The following RBFOX1 variants were observed in gnomAD, a reference collection of about 807,000 sequenced individuals.
RBFOX1 encodes RNA binding protein fox-1 homolog 1.
In RBFOX1, 8 loss-of-function variants were observed where a neutral mutation model predicts 57.7. The ratio of observed to expected loss-of-function variants is 0.14; its 90% CI spans 0.08 to 0.25. RBFOX1 has a LOEUF of 0.25. Ranked by LOEUF, RBFOX1 falls within the 10% of genes least tolerant of loss-of-function variation. The pLI, the probability that RBFOX1 is intolerant of heterozygous loss-of-function variation, is 1.00. For missense variants in RBFOX1, 611 were observed against 548.5 expected, an observed-to-expected ratio of 1.11 and a Z score of -1.14; for synonymous variants, 326 against 222.4, an observed-to-expected ratio of 1.47 and a Z score of -4.15.
At chr16:7,532,577 C>T (rs923994568) in intron 5 of RBFOX1, among the ~76,000 whole-genome samples, 3 of 152,152 alleles carry the variant, frequency 2.0e-5, no homozygotes, top group Non-Finnish European at 2.9e-5. Context: ...GTGGATGGGG[C>T]CCAGAGCCCC....
intron 1 of RBFOX1, among the ~76,000 whole-genome samples, chr16:6,293,900 GGGTGGT>G (rs1173884742): frequency 0.14 from 3,362 of 23,494 alleles, 137 homozygotes; most frequent in African/African-American, 0.2. Flanking sequence ...GTGAGCGGGG[GGGTGGT>G]GGAAATAGAC....
intron 4 of RBFOX1, among the ~76,000 whole-genome samples, chr16:7,346,202 G>C (rs1004608163): frequency 5.3e-5 from 8 of 152,124 alleles, no homozygotes; most frequent in African/African-American, 1.4e-4. Flanking sequence ...GTATATGTGC[G>C]ACATTTTCTT....
intron 4 of RBFOX1, among the ~76,000 whole-genome samples, chr16:7,384,989 G>A (rs74012516): frequency 2.0e-5 from 3 of 152,156 alleles, no homozygotes; most frequent in South Asian, 2.1e-4. Flanking sequence ...AGCTGAGCTC[G>A]CAATGGCAAA....
chr16:5,439,614 G>C (rs2068022843), intron 1 of RBFOX1, among the ~76,000 whole-genome samples: 1 of 152,064 alleles, frequency 6.6e-6, no homozygotes, highest in African/African-American at 2.4e-5. Context: ...TTTTTGGTTT[G>C]AGCGATTGTG....
chr16:5,346,209 G>A (rs192213765), intron 1 of RBFOX1, among the ~76,000 whole-genome samples: 103 of 152,214 alleles, frequency 6.8e-4, no homozygotes, highest in African/African-American at 2.4e-3. Context: ...TGTGTGTGAC[G>A]TTGTGCAAAT....
intron 3 of RBFOX1, among the ~76,000 whole-genome samples, chr16:6,843,684 A>G (rs2093612934): frequency 6.6e-6 from 1 of 152,200 alleles, no homozygotes; most frequent in Non-Finnish European, 1.5e-5. Flanking sequence ...GCGAGACTCC[A>G]TCTCAAAATA....
chr16:5,743,174 C>T (rs148592504), intron 3 of RBFOX1, among the ~76,000 whole-genome samples: 90 of 152,256 alleles, frequency 5.9e-4, no homozygotes, highest in African/African-American at 1.9e-3. Flanking sequence ...GTTACAGGTA[C>T]ATTTTCTATT....
At chr16:7,523,936 G>A (rs2078086691) in intron 5 of RBFOX1, among the ~76,000 whole-genome samples, 1 of 152,106 alleles carries the variant, frequency 6.6e-6, no homozygotes, top group African/African-American at 2.4e-5. Context: ...TGAATTTCCT[G>A]TGGAACGAAT....
chr16:6,229,894 A>C (rs922117213), intron 1 of RBFOX1, among the ~76,000 whole-genome samples: 1 of 152,140 alleles, frequency 6.6e-6, no homozygotes, highest in Admixed American at 6.6e-5. Flanking sequence ...CGCATGTCTT[A>C]GAATATTATT....
chr16:6,228,976 C>G (rs934078704), intron 1 of RBFOX1, among the ~76,000 whole-genome samples: 3 of 151,810 alleles, frequency 2.0e-5, no homozygotes, highest in Non-Finnish European at 2.9e-5. Flanking sequence ...GAAAAAAGTT[C>G]TTGGCGTTTA....
At chr16:7,328,518 G>C (rs1431275513) in intron 4 of RBFOX1, 1 of 149,628 alleles carries the variant, frequency 6.7e-6, no homozygotes. Context: ...TGGGAAGGGA[G>C]ATGCAGTATC....
At chr16:7,527,681 T>C (rs1009754204) in intron 5 of RBFOX1, among the ~76,000 whole-genome samples, 2 of 152,162 alleles carry the variant, frequency 1.3e-5, no homozygotes, top group Non-Finnish European at 2.9e-5. Context: ...CTTTTTTATA[T>C]GTGAGGCTTA....
chr16:5,325,530 A>G (rs1041341165), intron 1 of RBFOX1, among the ~76,000 whole-genome samples: 5 of 152,138 alleles, frequency 3.3e-5, no homozygotes, highest in African/African-American at 1.2e-4. Flanking sequence ...ATCTATCACT[A>G]TAGTCAGGGT....
Position 5,718,243 on chromosome 16 carries a change from A to G in RBFOX1, c.318+119282A>G, listed in dbSNP as rs147455370. ...AATAGACAGAGAACAAATCAAGTACATTTATTAAGAATCCATGTGGAGCTT... is the reference window on the plus strand; with the variant it reads ...AATAGACAGAGAACAAATCAAGTACGTTTATTAAGAATCCATGTGGAGCTT... On this transcript the variant is annotated intron_variant, in intron 3 of 19. Coordinates refer to the RBFOX1 transcript ENST00000641259. Among the ~76,000 whole-genome samples, 11 of 152,356 alleles carry G rather than the reference A, an allele frequency of 7.2e-5. No individual in the cohort carries two copies. The East Asian group carries it at 1.5e-3, about 21-fold the overall frequency.
intron 4 of RBFOX1, among the ~76,000 whole-genome samples, chr16:7,088,399 A>C (rs1053595433): frequency 6.6e-6 from 1 of 152,092 alleles, no homozygotes; most frequent in Non-Finnish European, 1.5e-5. Context: ...TGTAGAGGAG[A>C]GTAGCGTCTT....
intron 4 of RBFOX1, among the ~76,000 whole-genome samples, chr16:7,361,556 G>C (rs1485077320): frequency 6.6e-6 from 1 of 152,182 alleles, no homozygotes; most frequent in African/African-American, 2.4e-5. Flanking sequence ...GGTGGCTAAG[G>C]AGGATATTTC....
intron 3 of RBFOX1, among the ~76,000 whole-genome samples, chr16:6,931,300 T>C (rs1488833323): frequency 1.0e-4 from 11 of 109,940 alleles, no homozygotes; most frequent in African/African-American, 4.3e-4. Flanking sequence ...TGTCTGTCTA[T>C]CTATCTATCT....
rs139094401 is a variant in RBFOX1, at chr16:6,648,945, C to A, written c.-63-5658C>A. ...CAATATCATATACATTACCTCACAACGTCATTTTTTTGTGGTTAGAACACA... is the reference window on the plus strand; with the variant it reads ...CAATATCATATACATTACCTCACAAAGTCATTTTTTTGTGGTTAGAACACA... On this transcript the variant is annotated intron_variant, in intron 2 of 15. Coordinates refer to ENST00000550418, the MANE Select transcript of RBFOX1 (RefSeq NM_018723.4). 3.3e-3 allele frequency among the ~76,000 whole-genome samples: 496 copies of A among 152,212 alleles called. 4 individuals carry two copies. The highest frequency in any genetic ancestry group is 0.011 in the African/African-American group (473 of 41,524).
intron 3 of RBFOX1, among the ~76,000 whole-genome samples, chr16:6,981,941 A>G (rs1450197890): frequency 1.3e-5 from 2 of 152,196 alleles, no homozygotes; most frequent in African/African-American, 4.8e-5. Flanking sequence ...TCTTTGTATT[A>G]CAATAGAACT....
Sources: gnomAD v4.1 joint callset for allele counts (sites outside exome capture counted in the v4.1 genomes callset) on GRCh38, gnomAD v4.1.1 for gene constraint, MANE v1.5 for transcripts, NCBI Gene and HGNC (gene_info 2026-07-23, HGNC 2026-07-21) for gene names.